Variants in ZNF69 observed in about 807,000 individuals in gnomAD.
ZNF69 encodes ZNF3.
A neutral mutation model predicts 50.9 loss-of-function variants in ZNF69; 47 were observed. The observed-to-expected ratio is 0.92, with a 90% confidence interval of 0.73 to 1.18. The LOEUF (loss-of-function observed/expected upper bound fraction) is 1.18. Ranked by LOEUF, ZNF69 falls within the 50% of genes most tolerant of loss-of-function variation. The pLI is 0.00. For missense variants in ZNF69, 717 were observed against 675.1 expected (o/e 1.06, Z -0.69); for synonymous variants, 216 against 223.1 (o/e 0.97, Z 0.29).
chr19:11,941,981 C>T, the ZNF69 span, among the ~76,000 whole-genome samples: 2 of 282 alleles, frequency 7.1e-3, no homozygotes, highest in African/African-American at 0.024. Flanking sequence ...GTGCTTATTA[C>T]ACCTGGTATC....
the ZNF69 span, among the ~76,000 whole-genome samples, chr19:11,921,468 C>T: frequency 1.3e-5 from 2 of 151,756 alleles, no homozygotes; most frequent in Non-Finnish European, 2.9e-5. Context: ...TGCTCCCAGC[C>T]CTGAAATGGA....
At chr19:11,974,126 T>TTTTCTTTCTTTC in the ZNF69 span, among the ~76,000 whole-genome samples, 43 of 55,088 alleles carry the variant, frequency 7.8e-4, no homozygotes, top group South Asian at 3.6e-3. Flanking sequence ...TCTTTCTTTC[T>TTTTCTTTCTTTC]TTTCTTTCTT....
At chr19:11,939,830 C>T in the ZNF69 span, 1 of 152,072 alleles carries the variant, frequency 6.6e-6, no homozygotes, top group Non-Finnish European at 1.5e-5. Flanking sequence ...AGGAATTTTA[C>T]ACGTACACTT....
At chr19:11,896,869 A>G (rs1972134388) in intron 1 of ZNF69, among the ~76,000 whole-genome samples, 1 of 152,190 alleles carries the variant, frequency 6.6e-6, no homozygotes, top group African/African-American at 2.4e-5. Flanking sequence ...TTCATGGACT[A>G]AAATATAACT....
chr19:11,957,010 C>T, the ZNF69 span, among the ~76,000 whole-genome samples: 1 of 152,052 alleles, frequency 6.6e-6, no homozygotes, highest in Non-Finnish European at 1.5e-5. Context: ...TCAGTGATGC[C>T]CTCCGCAAGT....
the ZNF69 span, among the ~76,000 whole-genome samples, chr19:11,972,146 A>G: frequency 6.6e-6 from 1 of 151,894 alleles, no homozygotes; most frequent in Non-Finnish European, 1.5e-5. Context: ...ATACCTGGTC[A>G]TGGTGATGTG....
the ZNF69 span, among the ~76,000 whole-genome samples, chr19:11,950,996 C>G: frequency 7.3e-5 from 11 of 151,328 alleles, no homozygotes; most frequent in Non-Finnish European, 1.2e-4. Context: ...ACTAAAAATA[C>G]AAAAATTAGC....
At chr19:11,938,333 C>A in the ZNF69 span, among the ~76,000 whole-genome samples, 1 of 152,152 alleles carries the variant, frequency 6.6e-6, no homozygotes, top group South Asian at 2.1e-4. Context: ...GTGCTGCACC[C>A]ATTAACTCGT....
chr19:11,898,385 C>CTTTTT lies in ZNF69; in HGVS notation c.64-5169_64-5165dup, dbSNP rs745487579. Among the ~76,000 whole-genome samples, 22 of 91,868 alleles carry CTTTTT rather than the reference C, an allele frequency of 2.4e-4. 1 individual carries two copies. The highest frequency in any genetic ancestry group is 3.7e-4 in the African/African-American group (8 of 21,680). 60.3% of individuals were successfully genotyped at this position (91,868 alleles called of 152,430 possible). On this transcript the variant is annotated intron_variant, in intron 1 of 3. Transcript: ENST00000429654. ...CTTCCAGGCTCATAGTTCCTCCTGGCTTTTTTTTTTTTTTTTTTTTTTTGA... is the reference window on the plus strand; with the variant it reads ...CTTCCAGGCTCATAGTTCCTCCTGGCTTTTTTTTTTTTTTTTTTTTTTTTTTTTGA...
downstream of ZNF69, among the ~76,000 whole-genome samples, chr19:11,916,399 G>C (rs549295304): frequency 6.6e-6 from 1 of 152,210 alleles, no homozygotes; most frequent in Non-Finnish European, 1.5e-5. Flanking sequence ...CAGATCACTT[G>C]AGGTCAGGAG....
At chr19:11,979,758 G>C in the ZNF69 span, 1 of 1,578,232 alleles carries the variant, frequency 6.3e-7, no homozygotes, top group African/African-American at 1.4e-5. Flanking sequence ...CCACACCTTC[G>C]AATCCATGGT....
chr19:11,911,235 CT>C (rs1234200290), downstream of ZNF69, among the ~76,000 whole-genome samples: 22 of 152,322 alleles, frequency 1.4e-4, no homozygotes, highest in South Asian at 6.2e-4. Flanking sequence ...GGACTGTAAA[CT>C]AGTTCAACCA....
the ZNF69 span, among the ~76,000 whole-genome samples, chr19:11,945,162 T>C: frequency 6.6e-6 from 1 of 152,134 alleles, no homozygotes. Flanking sequence ...CTGACATAAG[T>C]TTTTCCTTTA....
At chr19:11,890,658 C>T (rs1977063527) in intron 1 of ZNF69, among the ~76,000 whole-genome samples, 1 of 152,184 alleles carries the variant, frequency 6.6e-6, no homozygotes, top group Admixed American at 6.5e-5. Context: ...TGGGGTTTCA[C>T]CATGTTGGCC....
chr19:11,899,080 T>C (rs1419024081), intron 1 of ZNF69, among the ~76,000 whole-genome samples: 1 of 152,174 alleles, frequency 6.6e-6, no homozygotes, highest in Admixed American at 6.5e-5. Context: ...CAAAATCCCC[T>C]GTGCTCCTCC....
Position 11,906,062 on chromosome 19 carries a change from T to C in ZNF69, c.1665T>C (p.Thr555=). ...AASVLRMHGR[T]HPEDKPYECK... ...CAGTCCTTCGAATGCATGGTAGGACTCACCCTGAAGATAAACCCTATGAGT... is the reference window on the plus strand; with the variant it reads ...CAGTCCTTCGAATGCATGGTAGGACCCACCCTGAAGATAAACCCTATGAGT... Residue 555 remains threonine (T), a synonymous_variant, in exon 4 of 4, where the codon ACT becomes ACC. Coordinates refer to ENST00000429654, the MANE Select transcript of ZNF69 (RefSeq NM_001364730.1). 1.2e-6 allele frequency: 2 copies of C among 1,612,920 alleles called. No individual in the cohort carries two copies. Among genetic ancestry groups the C allele is most frequent in the Non-Finnish European group, 1.7e-6 (2 of 1,179,612 alleles).
At chr19:11,929,861 T>C in the ZNF69 span, among the ~76,000 whole-genome samples, 3 of 148,394 alleles carry the variant, frequency 2.0e-5, no homozygotes, top group Non-Finnish European at 2.9e-5. Flanking sequence ...GAAAAATCCT[T>C]TCTGCCTCTC....
intron 1 of ZNF69, among the ~76,000 whole-genome samples, chr19:11,899,380 G>A (rs1972195944): frequency 6.6e-6 from 1 of 152,106 alleles, no homozygotes; most frequent in Admixed American, 6.5e-5. Context: ...CCTCCTGCCT[G>A]AGCTTCCCAA....
the ZNF69 span, among the ~76,000 whole-genome samples, chr19:11,931,090 C>T: frequency 1.4e-5 from 2 of 148,100 alleles, no homozygotes; most frequent in African/African-American, 5.3e-5. Context: ...ATACCACTTT[C>T]TCTTAATTAG....
Sources: allele counts gnomAD v4.1 joint callset (sites outside exome capture counted in the v4.1 genomes callset), GRCh38; gene constraint gnomAD v4.1.1; transcripts MANE v1.5; gene names NCBI Gene and HGNC (gene_info 2026-07-23, HGNC 2026-07-21).